SH3RF3: variants seen among roughly 807,000 people sequenced by gnomAD.
SH3RF3 encodes E3 ubiquitin-protein ligase SH3RF3.
SH3RF3 carries 29 observed loss-of-function variants against 66.3 expected under a neutral mutation model. That is an observed-to-expected ratio of 0.44 (90% CI 0.33 to 0.60). SH3RF3 has a LOEUF of 0.60. Among genes scored for constraint, SH3RF3 ranks in the 20% least tolerant of loss-of-function variants. SH3RF3 has a pLI of 0.04. For missense variants in SH3RF3, 1,194 were observed against 1,190.9 expected, an observed-to-expected ratio of 1.00 and a Z score of -0.04; for synonymous variants, 583 against 532.0, an observed-to-expected ratio of 1.10 and a Z score of -1.32.
At chr2:109,230,704 T>C (rs1384904079) in intron 1 of SH3RF3, among the ~76,000 whole-genome samples, 1 of 152,266 alleles carries the variant, frequency 6.6e-6, no homozygotes, top group Admixed American at 6.5e-5. Flanking sequence ...GATCATCAGC[T>C]ATGTCACCAG....
At chr2:109,151,554 CA>C (rs1417376974) in intron 1 of SH3RF3, among the ~76,000 whole-genome samples, 1 of 152,162 alleles carries the variant, frequency 6.6e-6, no homozygotes, top group Non-Finnish European at 1.5e-5. Flanking sequence ...CCACTGTATC[CA>C]AAATATGTCG....
intron 1 of SH3RF3, among the ~76,000 whole-genome samples, chr2:109,253,175 G>C: frequency 6.6e-6 from 1 of 152,056 alleles, no homozygotes; most frequent in African/African-American, 2.4e-5. Context: ...TTACAGCTAC[G>C]TGCCACCATG....
chr2:109,242,382 C>T (rs561623778), intron 1 of SH3RF3, among the ~76,000 whole-genome samples: 54 of 152,186 alleles, frequency 3.5e-4, no homozygotes, highest in Non-Finnish European at 6.9e-4. Flanking sequence ...CTGTCTGTGT[C>T]GTGCCTCGTT....
At chr2:109,420,589 G>C (rs911977043) in intron 5 of SH3RF3, among the ~76,000 whole-genome samples, 1 of 152,124 alleles carries the variant, frequency 6.6e-6, no homozygotes, top group African/African-American at 2.4e-5. Flanking sequence ...GGGACTACAG[G>C]TGCCAGCCAC....
At chr2:109,493,099 C>A (rs1207987853) in intron 9 of SH3RF3, among the ~76,000 whole-genome samples, 1 of 150,894 alleles carries the variant, frequency 6.6e-6, no homozygotes. Context: ...CAAACATACA[C>A]ATACACCACA....
At chr2:109,445,411 G>A (rs1677677083) in intron 7 of SH3RF3, among the ~76,000 whole-genome samples, 1 of 152,068 alleles carries the variant, frequency 6.6e-6, no homozygotes, top group Admixed American at 6.5e-5. Flanking sequence ...CAAAGGATAA[G>A]GAAAATACTA....
intron 1 of SH3RF3, among the ~76,000 whole-genome samples, chr2:109,194,989 A>G (rs955144333): frequency 6.6e-6 from 1 of 152,152 alleles, no homozygotes; most frequent in Non-Finnish European, 1.5e-5. Context: ...TTTTTTGTGG[A>G]TTTTGAGAAC....
chr2:109,411,128 G>C (rs1676576508), intron 4 of SH3RF3, among the ~76,000 whole-genome samples: 1 of 152,232 alleles, frequency 6.6e-6, no homozygotes, highest in South Asian at 2.1e-4. Flanking sequence ...CTGGAGGCAA[G>C]GAGCCCTCAA....
Position 109,295,437 on chromosome 2 carries a change from C to T in SH3RF3, c.574-52237C>T, listed in dbSNP as rs148898141. On this transcript the variant is annotated intron_variant, in intron 1 of 9. Transcript: ENST00000309415. ...TGTCTAAAGAACTCAGGGCGGGAGCCGAGGGGCACGCAGGGCAGGGAGAGG... is the reference window on the plus strand; with the variant it reads ...TGTCTAAAGAACTCAGGGCGGGAGCTGAGGGGCACGCAGGGCAGGGAGAGG... Among the ~76,000 whole-genome samples, 641 of 152,312 alleles carry T rather than the reference C, an allele frequency of 4.2e-3. 2 individuals carry two copies. The highest frequency in any genetic ancestry group is 0.014 in the African/African-American group (571 of 41,562).
At chr2:109,432,882 G>C (rs551782046) in intron 6 of SH3RF3, among the ~76,000 whole-genome samples, 1 of 152,378 alleles carries the variant, frequency 6.6e-6, no homozygotes, top group South Asian at 2.1e-4. Flanking sequence ...GTCCTCAGCA[G>C]ACATTGGCCA....
intron 8 of SH3RF3, among the ~76,000 whole-genome samples, chr2:109,480,584 A>G (rs937437857): frequency 6.6e-6 from 1 of 152,162 alleles, no homozygotes; most frequent in African/African-American, 2.4e-5. Context: ...CGCAGGGTAG[A>G]GGTCATCCCG....
intron 1 of SH3RF3, among the ~76,000 whole-genome samples, chr2:109,226,140 G>A (rs1679369192): frequency 6.6e-6 from 1 of 152,186 alleles, no homozygotes. Flanking sequence ...AGAGGAGGTT[G>A]TCCCCAAATA....
At chr2:109,362,883 A>G (rs1246449556) in intron 2 of SH3RF3, among the ~76,000 whole-genome samples, 1 of 152,090 alleles carries the variant, frequency 6.6e-6, no homozygotes, top group Non-Finnish European at 1.5e-5. Flanking sequence ...ATTAATATGG[A>G]TATCTTTTGA....
At chr2:109,460,443 G>A (rs560613413) in intron 8 of SH3RF3, among the ~76,000 whole-genome samples, 6 of 152,262 alleles carry the variant, frequency 3.9e-5, no homozygotes, top group Admixed American at 1.3e-4. Flanking sequence ...TAGCCAGGTT[G>A]GCCATGGTGA....
intron 5 of SH3RF3, among the ~76,000 whole-genome samples, chr2:109,420,666 C>T (rs1676853132): frequency 6.6e-6 from 1 of 152,242 alleles, no homozygotes; most frequent in Non-Finnish European, 1.5e-5. Context: ...AGGATGGTCT[C>T]GATCTCCTGA....
At chr2:109,215,655 C>T (rs1679087646) in intron 1 of SH3RF3, among the ~76,000 whole-genome samples, 1 of 152,102 alleles carries the variant, frequency 6.6e-6, no homozygotes, top group African/African-American at 2.4e-5. Flanking sequence ...GGGCTCTCAC[C>T]TACGATTTTA....
At chr2:109,401,525 C>T (rs1202544453) in intron 4 of SH3RF3, among the ~76,000 whole-genome samples, 3 of 152,218 alleles carry the variant, frequency 2.0e-5, no homozygotes, top group African/African-American at 7.2e-5. Flanking sequence ...TGACAAGTAT[C>T]TGGCCTGTGT....
chr2:109,341,155 AAG>A (rs1178301645), intron 1 of SH3RF3, among the ~76,000 whole-genome samples: 2 of 152,224 alleles, frequency 1.3e-5, no homozygotes, highest in Admixed American at 6.5e-5. Flanking sequence ...GACAGAAGAA[AAG>A]AGGGGACAAA....
Position 109,129,742 on chromosome 2 carries a change from G to A in SH3RF3, c.202G>A (p.Ala68Thr), listed in dbSNP as rs1676638780. The part of the protein sequence containing the change: ...SVCLERLDTT[A>T]KVLPCQHTFC... ...GTGTCTGGAGCGCCTGGACACCACG[G>A]CCAAGGTGCTGCCATGCCAACACAC... Residue 68 changes from alanine (A) to threonine (T), a missense_variant, in exon 1 of 10, where the codon GCC (alanine) becomes ACC (threonine). Physicochemically the swap from Ala to Thr is moderately conservative, Grantham distance 58. Coordinates refer to ENST00000309415, the MANE Select transcript of SH3RF3 (RefSeq NM_001099289.3). 3 of 1,539,200 alleles carry A rather than the reference G, an allele frequency of 1.9e-6. No homozygotes were observed. Among genetic ancestry groups the A allele is most frequent in the Non-Finnish European group, 2.6e-6 (3 of 1,145,242 alleles).
Sources: gnomAD v4.1 joint callset for allele counts (sites outside exome capture counted in the v4.1 genomes callset) on GRCh38, gnomAD v4.1.1 for gene constraint, MANE v1.5 for transcripts, NCBI Gene and HGNC (gene_info 2026-07-23, HGNC 2026-07-21) for gene names.